The following EPHA6 variants were observed in gnomAD, a reference collection of about 807,000 sequenced individuals.
EPHA6 encodes the protein ephrin type-A receptor 6.
Under a neutral mutation model 112.0 loss-of-function variants are expected in EPHA6, and 50 were observed. The ratio of observed to expected loss-of-function variants is 0.45; its 90% CI spans 0.36 to 0.56. The LOEUF (loss-of-function observed/expected upper bound fraction) is 0.56. Among genes scored for constraint, EPHA6 ranks in the 20% least tolerant of loss-of-function variants. EPHA6 has a pLI of 0.00. For missense variants in EPHA6, 1,280 were observed against 1,417.4 expected (o/e 0.90, Z 1.56); for synonymous variants, 529 against 490.7 (o/e 1.08, Z -1.03).
intron 11 of EPHA6, among the ~76,000 whole-genome samples, chr3:97,569,434 G>A (rs916305786): frequency 6.6e-6 from 1 of 152,128 alleles, no homozygotes; most frequent in Non-Finnish European, 1.5e-5. Flanking sequence ...TTCATTGGCA[G>A]TGATTAAAAG....
chr3:97,641,178 C>A (rs1029203685), intron 14 of EPHA6, among the ~76,000 whole-genome samples: 1 of 152,052 alleles, frequency 6.6e-6, no homozygotes, highest in Non-Finnish European at 1.5e-5. Flanking sequence ...TCTATTATAA[C>A]AAAATTATAA....
intron 6 of EPHA6, among the ~76,000 whole-genome samples, chr3:97,431,720 C>T (rs894427905): frequency 2.0e-5 from 3 of 152,038 alleles, no homozygotes; most frequent in African/African-American, 7.2e-5. Context: ...TTTTCTTTCT[C>T]ATGTTTAACA....
chr3:97,655,789 G>A lies in EPHA6; in HGVS notation c.2784+17707G>A, dbSNP rs528956456. Among the ~76,000 whole-genome samples, 668 of 151,116 alleles carry A rather than the reference G, an allele frequency of 4.4e-3. 4 individuals carry two copies. Among genetic ancestry groups the A allele is most frequent in the Admixed American group, 9.4e-3 (142 of 15,142 alleles). ...GGGGAGGGGGGAGGGATAGCATTAGGAGATATACCTAATGTTAAATGACGA... is the reference window on the plus strand; with the variant it reads ...GGGGAGGGGGGAGGGATAGCATTAGAAGATATACCTAATGTTAAATGACGA... On this transcript the variant is annotated intron_variant, in intron 14 of 17. Coordinates refer to ENST00000389672, the MANE Select transcript of EPHA6 (RefSeq NM_001080448.3).
chr3:97,319,722 CG>C (rs1375410045), intron 5 of EPHA6, among the ~76,000 whole-genome samples: 1 of 145,024 alleles, frequency 6.9e-6, no homozygotes, highest in Non-Finnish European at 1.5e-5. Flanking sequence ...CAAAACAAAA[CG>C]AAAAAAACAG....
At chr3:96,823,388 CT>C (rs942110955) in intron 1 of EPHA6, among the ~76,000 whole-genome samples, 4 of 151,710 alleles carry the variant, frequency 2.6e-5, no homozygotes, top group African/African-American at 9.7e-5. Context: ...GTTAAGGATT[CT>C]CTCTGGCTGT....
At chr3:97,289,218 T>TA (rs2080591110) in intron 5 of EPHA6, among the ~76,000 whole-genome samples, 1 of 152,126 alleles carries the variant, frequency 6.6e-6, no homozygotes, top group Non-Finnish European at 1.5e-5. Context: ...TTTTAGGTCT[T>TA]ACGTTTAAAT....
intron 5 of EPHA6, among the ~76,000 whole-genome samples, chr3:97,402,234 T>A (rs923692101): frequency 9.9e-5 from 15 of 152,064 alleles, no homozygotes; most frequent in African/African-American, 3.4e-4. Flanking sequence ...ATAAGCTCTC[T>A]AATGCTGAGA....
At position 97,395,060 on chromosome 3, in the gene EPHA6, C is replaced by T. The variant is rs1055252222; in HGVS notation, c.1607-10090C>T. Among the ~76,000 whole-genome samples the T allele has an allele frequency of 2.0e-5, 3 of 151,394 alleles. No individual in the cohort carries two copies. The East Asian group carries it at 5.8e-4, about 29-fold the overall frequency. On this transcript the variant is annotated intron_variant, in intron 5 of 17. Coordinates refer to ENST00000389672, the MANE Select transcript of EPHA6 (RefSeq NM_001080448.3). Reference sequence around the variant, plus strand: ...GGAATTAAGATGTGATATTTCAGGGCTGTTACTCATTTTATTACAGTACAG... The same window carrying T: ...GGAATTAAGATGTGATATTTCAGGGTTGTTACTCATTTTATTACAGTACAG...
Position 97,759,495 on chromosome 3 carries a change from T to C in EPHA6, c.*10794T>C, listed in dbSNP as rs937559156. ...ATATTTATCTACTAATGAAAATGAC[T>C]TGGCAGACAGGGGAAAACTGATTAT... is the stretch of plus-strand genomic sequence containing the variant. On this transcript the variant is annotated 3_prime_UTR_variant, in exon 18 of 18. Coordinates refer to ENST00000389672, the MANE Select transcript of EPHA6 (RefSeq NM_001080448.3). The C allele has an allele frequency of 1.3e-5, 3 of 230,316 alleles. No homozygotes were observed. The highest frequency in any genetic ancestry group is 5.7e-5 in the Admixed American group (1 of 17,690). 14.3% of individuals were successfully genotyped at this position (230,316 alleles called of 1,614,324 possible).
intron 2 of EPHA6, among the ~76,000 whole-genome samples, chr3:96,978,483 G>T (rs186198272): frequency 1.3e-5 from 2 of 152,052 alleles, no homozygotes; most frequent in East Asian, 1.9e-4. Flanking sequence ...AAATTCCATA[G>T]GCTTTTAGAT....
chr3:97,105,961 G>T (rs1272882056), intron 3 of EPHA6, among the ~76,000 whole-genome samples: 1 of 151,946 alleles, frequency 6.6e-6, no homozygotes, highest in East Asian at 1.9e-4. Flanking sequence ...TCTAAAATTA[G>T]GATTGCAACC....
At chr3:96,865,292 T>G (rs550309446) in intron 1 of EPHA6, among the ~76,000 whole-genome samples, 7 of 152,194 alleles carry the variant, frequency 4.6e-5, no homozygotes, top group African/African-American at 1.7e-4. Flanking sequence ...TTTATCACAG[T>G]GGTTCACCTA....
intron 2 of EPHA6, among the ~76,000 whole-genome samples, chr3:96,939,429 A>G (rs940506503): frequency 1.3e-5 from 2 of 152,088 alleles, no homozygotes; most frequent in Admixed American, 6.5e-5. Context: ...GGTAGTTTGT[A>G]TTTCTGTGGG....
chr3:96,983,072 T>C (rs575209634), intron 2 of EPHA6, among the ~76,000 whole-genome samples: 1 of 152,338 alleles, frequency 6.6e-6, no homozygotes, highest in Non-Finnish European at 1.5e-5. Flanking sequence ...AATATTGTTA[T>C]GTGTGAATTT....
At chr3:97,007,071 T>A (rs2043908304) in intron 3 of EPHA6, among the ~76,000 whole-genome samples, 1 of 152,198 alleles carries the variant, frequency 6.6e-6, no homozygotes, top group East Asian at 1.9e-4. Context: ...GAGAAGAATA[T>A]ATATTCTGTT....
chr3:97,599,680 T>C (rs1019232682), intron 12 of EPHA6, among the ~76,000 whole-genome samples: 1 of 152,116 alleles, frequency 6.6e-6, no homozygotes, highest in Non-Finnish European at 1.5e-5. Context: ...CCTTGTAGTA[T>C]AGTTTGAAGT....
intron 4 of EPHA6, among the ~76,000 whole-genome samples, chr3:97,227,343 C>T (rs918563563): frequency 6.6e-6 from 1 of 151,784 alleles, no homozygotes; most frequent in Non-Finnish European, 1.5e-5. Flanking sequence ...GCCTCAGCTT[C>T]CTGAGTAGCT....
chr3:97,425,947 C>G (rs1372913769), intron 6 of EPHA6, among the ~76,000 whole-genome samples: 1 of 152,164 alleles, frequency 6.6e-6, no homozygotes, highest in African/African-American at 2.4e-5. Context: ...TTCCTCATCT[C>G]CATCTGAGAC....
At chr3:97,748,557 C>T in intron 17 of EPHA6, 30 bp from the exon 18 acceptor site, 1 of 1,137,766 alleles carries the variant, frequency 8.8e-7, no homozygotes, top group Non-Finnish European at 1.3e-6. Context: ...CTCACTCTCG[C>T]TCTCACTCTT....
Sources: gnomAD v4.1 joint callset for allele counts (sites outside exome capture counted in the v4.1 genomes callset) on GRCh38, gnomAD v4.1.1 for gene constraint, MANE v1.5 for transcripts, NCBI Gene and HGNC (gene_info 2026-07-23, HGNC 2026-07-21) for gene names.